The following CDC42BPA variants were observed in gnomAD, a reference collection of about 807,000 sequenced individuals.
The protein encoded by CDC42BPA is CDC42 binding protein kinase alpha.
A neutral mutation model predicts 223.5 loss-of-function variants in CDC42BPA; 80 were observed. The observed-to-expected ratio is 0.36, with a 90% CI of 0.30 to 0.43. CDC42BPA has a LOEUF of 0.43. Among genes scored for constraint, CDC42BPA ranks in the 20% least tolerant of loss-of-function variants. The pLI, the probability that CDC42BPA is intolerant of heterozygous loss-of-function variation, is 1.00. For missense variants in CDC42BPA, 1,743 were observed against 2,099.9 expected (o/e 0.83, Z 3.32); for synonymous variants, 694 against 718.6 (o/e 0.97, Z 0.55).
intron 21 of CDC42BPA, among the ~76,000 whole-genome samples, chr1:227,065,126 T>A (rs928575316): frequency 3.2e-4 from 38 of 117,314 alleles, no homozygotes; most frequent in African/African-American, 1.3e-3. Flanking sequence ...ATAAATAAAT[T>A]AACTCAAACC....
intron 12 of CDC42BPA, among the ~76,000 whole-genome samples, chr1:227,118,296 A>G (rs1253984036): frequency 1.3e-5 from 2 of 152,194 alleles, no homozygotes; most frequent in Non-Finnish European, 2.9e-5. Flanking sequence ...AGGTATATGA[A>G]AAAGTATTCA....
chr1:227,170,731 TGACCAC>T (rs1481205463), intron 5 of CDC42BPA, among the ~76,000 whole-genome samples: 3 of 152,212 alleles, frequency 2.0e-5, no homozygotes, highest in African/African-American at 7.2e-5. Context: ...ACAATTCAGG[TGACCAC>T]AGACGCTTCA....
At chr1:227,200,622 C>G (rs6685492) in intron 3 of CDC42BPA, among the ~76,000 whole-genome samples, 103,569 of 151,616 alleles carry the variant, frequency 0.68, 35,611 homozygotes, top group South Asian at 0.74. Flanking sequence ...AACCCCCAAC[C>G]GTGGAAACAC....
chr1:227,187,508 A>G (rs1668980832), intron 5 of CDC42BPA, among the ~76,000 whole-genome samples: 1 of 151,406 alleles, frequency 6.6e-6, no homozygotes, highest in Non-Finnish European at 1.5e-5. Flanking sequence ...AACAGAACAG[A>G]ATATCCAAGA....
intron 2 of CDC42BPA, among the ~76,000 whole-genome samples, chr1:227,214,833 T>C (rs773862110): frequency 3.9e-5 from 6 of 152,102 alleles, no homozygotes; most frequent in Non-Finnish European, 5.9e-5. Flanking sequence ...ACAGTAGTGG[T>C]AGTAGTAGTA....
At chr1:227,076,357 A>G (rs1366544426) in intron 17 of CDC42BPA, among the ~76,000 whole-genome samples, 1 of 152,160 alleles carries the variant, frequency 6.6e-6, no homozygotes, top group Non-Finnish European at 1.5e-5. Flanking sequence ...CCTGGGTTCA[A>G]GCAATTCTCC....
chr1:227,052,134 TAC>T (rs1417229275), intron 21 of CDC42BPA, 149 bp from the exon 22 acceptor site: 29 of 393,704 alleles, frequency 7.4e-5, no homozygotes, highest in Non-Finnish European at 1.4e-4. Flanking sequence ...ACGTTAGGGA[TAC>T]ATCATTATAC....
chr1:227,125,562 A>G (rs1208827798), intron 11 of CDC42BPA, among the ~76,000 whole-genome samples: 8 of 147,556 alleles, frequency 5.4e-5, no homozygotes. Context: ...GCGTCACTGC[A>G]CTCCAGCCTG....
At chr1:227,131,589 C>T (rs1006233932) in intron 10 of CDC42BPA, among the ~76,000 whole-genome samples, 1 of 152,068 alleles carries the variant, frequency 6.6e-6, no homozygotes, top group African/African-American at 2.4e-5. Context: ...GGGAACATCA[C>T]CGTGTGATAA....
intron 1 of CDC42BPA, among the ~76,000 whole-genome samples, chr1:227,288,087 C>A (rs757979385): frequency 3.7e-4 from 57 of 152,170 alleles, no homozygotes; most frequent in Non-Finnish European, 1.5e-4. Flanking sequence ...AGTATCATTA[C>A]ATGCTTGTCC....
intron 33 of CDC42BPA, 80 bp from the exon 34 acceptor site, chr1:227,016,277 C>A: frequency 1.0e-5 from 8 of 779,858 alleles, no homozygotes; most frequent in Middle Eastern, 3.0e-4. Flanking sequence ...GCTTAATTTT[C>A]TTAATAAAAA....
chr1:227,153,506 C>T lies in CDC42BPA; in HGVS notation c.694-5947G>A, dbSNP rs563264063. Among the ~76,000 whole-genome samples the T allele has an allele frequency of 6.6e-5, 10 of 151,820 alleles. No individual in the cohort carries two copies. The East Asian group carries it at 1.5e-3, about 23-fold the overall frequency. ...AACAGTAGAATGCTCTGTATCAAAACTTACGAAGGAAAAGAGAAGCACAAA... is the reference window on the plus strand; with the variant it reads ...AACAGTAGAATGCTCTGTATCAAAATTTACGAAGGAAAAGAGAAGCACAAA... On this transcript the variant is annotated intron_variant, in intron 6 of 36. Transcript: ENST00000366766.
At chr1:227,312,477 T>C (rs1426842013) in intron 1 of CDC42BPA, among the ~76,000 whole-genome samples, 3 of 152,216 alleles carry the variant, frequency 2.0e-5, no homozygotes, top group African/African-American at 7.2e-5. Context: ...TGCCTTACAT[T>C]TCCATATAAA....
intron 2 of CDC42BPA, among the ~76,000 whole-genome samples, chr1:227,224,059 C>T (rs926776247): frequency 6.6e-6 from 1 of 152,136 alleles, no homozygotes; most frequent in African/African-American, 2.4e-5. Flanking sequence ...GGACATAACA[C>T]TTTCAAAAGA....
chr1:227,185,653 C>A (rs1572208889), intron 5 of CDC42BPA, among the ~76,000 whole-genome samples: 1 of 152,094 alleles, frequency 6.6e-6, no homozygotes, highest in African/African-American at 2.4e-5. Flanking sequence ...GCCCCCCTCC[C>A]TCTGTCTCTG....
At chr1:227,219,980 A>T (rs538467518) in intron 2 of CDC42BPA, among the ~76,000 whole-genome samples, 3 of 152,238 alleles carry the variant, frequency 2.0e-5, no homozygotes, top group South Asian at 4.2e-4. Context: ...AAAAAAATTT[A>T]AAAAGACACC....
Position 227,073,984 on chromosome 1 carries a change from G to A in CDC42BPA, c.2615C>T (p.Ala872Val), listed in dbSNP as rs758501021. ...TDMPWKMRRF[A>V]KLDMSARLEL... ...CAGTCTAGCTGACATATCCAGTTTC[G>A]CAAAACGACGCATTTTCCAGGGCAT... Residue 872 changes from alanine to valine, a missense_variant, in exon 19 of 37, where the codon GCG becomes GTG. Transcript: ENST00000366766. 4 of 1,611,466 alleles carry A rather than the reference G, an allele frequency of 2.5e-6. No homozygotes were observed. The highest frequency in any genetic ancestry group is 3.4e-6 in the Non-Finnish European group (4 of 1,179,324).
At chr1:227,188,911 C>T (rs1175491824) in intron 5 of CDC42BPA, among the ~76,000 whole-genome samples, 1 of 151,912 alleles carries the variant, frequency 6.6e-6, no homozygotes, top group Admixed American at 6.6e-5. Flanking sequence ...TCTGGTAAGG[C>T]ATGTTGATAG....
intron 17 of CDC42BPA, among the ~76,000 whole-genome samples, chr1:227,079,762 AT>A (rs1184382214): frequency 1.3e-5 from 2 of 152,052 alleles, no homozygotes; most frequent in African/African-American, 2.4e-5. Flanking sequence ...AGGAATTAAA[AT>A]TCCCTACAAA....
Sources: allele counts gnomAD v4.1 joint callset (sites outside exome capture counted in the v4.1 genomes callset), GRCh38; gene constraint gnomAD v4.1.1; transcripts MANE v1.5; gene names NCBI Gene and HGNC (gene_info 2026-07-23, HGNC 2026-07-21).